CSMD1: variants seen among roughly 807,000 people sequenced by gnomAD.
CSMD1 encodes CUB and Sushi multiple domains 1.
CSMD1 carries 213 observed loss-of-function variants against 417.5 expected under a neutral mutation model. The ratio of observed to expected loss-of-function variants is 0.51; its 90% CI spans 0.46 to 0.57. The LOEUF (loss-of-function observed/expected upper bound fraction) is 0.57. Ranked by LOEUF, CSMD1 falls within the 20% of genes least tolerant of loss-of-function variation. The probability of loss-of-function intolerance (pLI) is 0.00; values close to 1 mark genes in which losing one functional copy is unlikely to be tolerated. For missense variants in CSMD1, 6,923 were observed against 4,529.7 expected (o/e 1.53, Z -15.17); for synonymous variants, 2,862 against 1,736.8 (o/e 1.65, Z -16.11).
At chr8:4,684,970 A>C (rs10866976) in intron 1 of CSMD1, among the ~76,000 whole-genome samples, 100,828 of 151,946 alleles carry the variant, frequency 0.66, 33,865 homozygotes, top group Middle Eastern at 0.76. Flanking sequence ...AGCCTATTTT[A>C]ATGATAGTAA....
At chr8:4,449,574 T>A (rs1167031112) in intron 2 of CSMD1, among the ~76,000 whole-genome samples, 1 of 152,176 alleles carries the variant, frequency 6.6e-6, no homozygotes, top group African/African-American at 2.4e-5. Context: ...TCTAATTATT[T>A]AGCCATTCCC....
intron 5 of CSMD1, among the ~76,000 whole-genome samples, chr8:3,815,227 T>C (rs781370922): frequency 2.9e-4 from 44 of 152,282 alleles, no homozygotes; most frequent in Admixed American, 9.2e-4. Flanking sequence ...TATGGGAACA[T>C]AGAGTACCCA....
chr8:2,994,262 T>A (rs953768045), intron 54 of CSMD1, among the ~76,000 whole-genome samples: 9 of 151,620 alleles, frequency 5.9e-5, no homozygotes, highest in African/African-American at 2.2e-4. Context: ...GTTGACCTCG[T>A]GTGTACTGAT....
In CSMD1 at chr8:3,928,565, C is replaced by G. The variant is rs1437039683; in HGVS notation, c.818+69338G>C. On this transcript the variant is annotated intron_variant, in intron 5 of 69. Coordinates refer to ENST00000635120, the MANE Select transcript of CSMD1 (RefSeq NM_033225.6). Reference sequence around the variant, plus strand: ...GTAGGCTTCGGTACTGTACTAAGTTCAGATCTACAAGTAGTTCCATCCACC... The same window carrying G: ...GTAGGCTTCGGTACTGTACTAAGTTGAGATCTACAAGTAGTTCCATCCACC... Among the ~76,000 whole-genome samples the G allele has an allele frequency of 1.5e-5, 2 of 135,994 alleles. 1 individual carries two copies. The highest frequency in any genetic ancestry group is 5.5e-5 in the African/African-American group (2 of 36,272). 89.2% of individuals were successfully genotyped at this position (135,994 alleles called of 152,430 possible).
At position 4,163,450 on chromosome 8, in the gene CSMD1, G is replaced by C. The variant is rs1057406919; in HGVS notation, c.416-131351C>G. Among the ~76,000 whole-genome samples, 14 of 152,154 alleles carry C rather than the reference G, an allele frequency of 9.2e-5. No individual in the cohort carries two copies. In the South Asian group the frequency reaches 1.2e-3, roughly 14 times the overall value. ...TTTCTTTTTTCTTGTTTTTACGTTT[G>C]TATTTTAATGTGTGAGTTACTTTTA... On this transcript the variant is annotated intron_variant, in intron 3 of 69. Transcript: ENST00000635120.
chr8:4,750,867 G>C (rs780309354), intron 1 of CSMD1, among the ~76,000 whole-genome samples: 2 of 152,124 alleles, frequency 1.3e-5, no homozygotes, highest in Non-Finnish European at 2.9e-5. Context: ...TTTAGTGAAG[G>C]GACTGTGAAC....
At chr8:4,203,145 T>C (rs1280250355) in intron 3 of CSMD1, among the ~76,000 whole-genome samples, 7 of 152,194 alleles carry the variant, frequency 4.6e-5, no homozygotes, top group African/African-American at 1.4e-4. Context: ...GAAAACCTTT[T>C]CTGGCTCAGG....
At chr8:4,862,156 C>A (rs763286164) in intron 1 of CSMD1, among the ~76,000 whole-genome samples, 2 of 151,784 alleles carry the variant, frequency 1.3e-5, no homozygotes, top group African/African-American at 4.9e-5. Context: ...AGGGAGTGAA[C>A]GGGAGCTGAG....
chr8:2,970,293 T>A (rs922233978), intron 57 of CSMD1, among the ~76,000 whole-genome samples: 1 of 152,176 alleles, frequency 6.6e-6, no homozygotes, highest in African/African-American at 2.4e-5. Flanking sequence ...ATCTTTTAAG[T>A]TTTCAAAACT....
chr8:3,840,518 C>A (rs139555368), intron 5 of CSMD1, among the ~76,000 whole-genome samples: 1 of 151,858 alleles, frequency 6.6e-6, no homozygotes, highest in Non-Finnish European at 1.5e-5. Context: ...CAAAACAAAA[C>A]GGTAGAGGAA....
intron 1 of CSMD1, among the ~76,000 whole-genome samples, chr8:4,763,890 G>A (rs1448546203): frequency 1.3e-5 from 2 of 152,118 alleles, no homozygotes; most frequent in East Asian, 1.9e-4. Context: ...ATTAAGCCAC[G>A]ACTACATAAC....
intron 1 of CSMD1, among the ~76,000 whole-genome samples, chr8:4,769,183 A>G (rs951713824): frequency 1.3e-5 from 2 of 152,196 alleles, no homozygotes; most frequent in Non-Finnish European, 2.9e-5. Flanking sequence ...GATGTGGCTA[A>G]TAACACCACA....
At chr8:4,868,705 G>C (rs1802560004) in intron 1 of CSMD1, among the ~76,000 whole-genome samples, 1 of 151,910 alleles carries the variant, frequency 6.6e-6, no homozygotes, top group Non-Finnish European at 1.5e-5. Flanking sequence ...TTGGTCGAAA[G>C]TATTTGATGC....
In CSMD1 at chr8:3,190,058, C is replaced by G; in HGVS notation, c.5252G>C (p.Arg1751Thr). The G allele has an allele frequency of 6.3e-7, 1 of 1,595,654 alleles. No homozygotes were observed. Among genetic ancestry groups the G allele is most frequent in the Non-Finnish European group, 8.5e-7 (1 of 1,171,276 alleles). ...CSSVPEPRYG[R>T]RIGSEFSAGS... ...GGCAGAAAACTCAGAACCAATTCTC[C>G]TTCCGTATCTGGGCTCGGGGACAGA... Residue 1751 changes from arginine to threonine, a missense_variant, in exon 34 of 70, where the codon AGG becomes ACG. Coordinates refer to ENST00000635120, the MANE Select transcript of CSMD1 (RefSeq NM_033225.6).
intron 1 of CSMD1, among the ~76,000 whole-genome samples, chr8:4,789,560 T>C (rs994519520): frequency 3.3e-5 from 5 of 152,198 alleles, no homozygotes; most frequent in African/African-American, 1.2e-4. Flanking sequence ...CCAAAGCTTT[T>C]GTTCACAATC....
intron 5 of CSMD1, among the ~76,000 whole-genome samples, chr8:3,954,509 G>A (rs370465087): frequency 6.6e-5 from 10 of 152,272 alleles, no homozygotes; most frequent in African/African-American, 2.4e-4. Flanking sequence ...TGGGATTACA[G>A]GCACCCACCA....
At chr8:3,122,040 T>C (rs568829548) in intron 41 of CSMD1, among the ~76,000 whole-genome samples, 49 of 152,178 alleles carry the variant, frequency 3.2e-4, no homozygotes, top group Non-Finnish European at 6.2e-4. Flanking sequence ...AAAACCTCAA[T>C]TGCCTTTACA....
intron 10 of CSMD1, among the ~76,000 whole-genome samples, chr8:3,511,666 G>C (rs1797072941): frequency 6.7e-6 from 1 of 149,478 alleles, no homozygotes; most frequent in Non-Finnish European, 1.5e-5. Flanking sequence ...GCAAAGGCAG[G>C]AGAATCCCTT....
At chr8:3,767,490 C>T (rs1331725360) in intron 5 of CSMD1, among the ~76,000 whole-genome samples, 1 of 152,198 alleles carries the variant, frequency 6.6e-6, no homozygotes, top group Non-Finnish European at 1.5e-5. Flanking sequence ...TCTTTTTCTA[C>T]TTCCCCCAAC....
Sources: gnomAD v4.1 joint callset for allele counts (sites outside exome capture counted in the v4.1 genomes callset) on GRCh38, gnomAD v4.1.1 for gene constraint, MANE v1.5 for transcripts, NCBI Gene and HGNC (gene_info 2026-07-23, HGNC 2026-07-21) for gene names.